UBIAD1: variants seen among roughly 807,000 people sequenced by gnomAD.
UBIAD1 encodes the protein ubiA prenyltransferase domain-containing protein 1.
UBIAD1 carries 12 observed loss-of-function variants against 20.1 expected under a neutral mutation model. The observed-to-expected ratio is 0.60, with a 90% CI of 0.38 to 0.97. The LOEUF (loss-of-function observed/expected upper bound fraction) is 0.97. Ranked by LOEUF, UBIAD1 falls within the 50% of genes least tolerant of loss-of-function variation. The probability of loss-of-function intolerance (pLI) is 0.00; values close to 1 mark genes in which losing one functional copy is unlikely to be tolerated. For missense variants in UBIAD1, 333 were observed against 419.5 expected (o/e 0.79, Z 1.80); for synonymous variants, 207 against 189.2 (o/e 1.09, Z -0.77).
chr1:11,284,841 A>G (rs1010021964), intron 1 of UBIAD1, among the ~76,000 whole-genome samples: 62 of 152,088 alleles, frequency 4.1e-4, no homozygotes, highest in African/African-American at 1.4e-3. Context: ...GGGAGGGGTT[A>G]TGAGAGGGGA....
downstream of UBIAD1, among the ~76,000 whole-genome samples, chr1:11,297,016 A>G (rs1156821417): frequency 6.6e-6 from 1 of 152,230 alleles, no homozygotes; most frequent in Non-Finnish European, 1.5e-5. Context: ...TATTAAAACT[A>G]AACATAGAAA....
At chr1:11,277,566 G>T (rs987580896) in intron 1 of UBIAD1, among the ~76,000 whole-genome samples, 1 of 151,716 alleles carries the variant, frequency 6.6e-6, no homozygotes, top group Non-Finnish European at 1.5e-5. Context: ...GAGCCACTAT[G>T]CCTGGCCAAT....
rs1037899270 is a variant in UBIAD1 at position 11,286,594 on chromosome 1, A to G, written c.*463A>G. 2 of 228,430 alleles carry G rather than the reference A, an allele frequency of 8.8e-6. No individual in the cohort carries two copies. Among genetic ancestry groups the G allele is most frequent in the Non-Finnish European group, 1.7e-5 (2 of 114,874 alleles). 14.2% of individuals were successfully genotyped at this position (228,430 alleles called of 1,614,324 possible). On this transcript the variant is annotated 3_prime_UTR_variant, in exon 2 of 2. Coordinates refer to ENST00000376810, the MANE Select transcript of UBIAD1 (RefSeq NM_013319.3). ...ATGATTGGTGCCAGGCCTCACTAAC[A>G]CAGGGGCTACCTGTCTCTTATTCTC...
At chr1:11,289,099 A>G (rs936466209), downstream of UBIAD1, among the ~76,000 whole-genome samples, 1 of 152,214 alleles carries the variant, frequency 6.6e-6, no homozygotes, top group African/African-American at 2.4e-5. Flanking sequence ...GGCATTGGAC[A>G]ATATATCCTA....
rs190166225 is a variant in UBIAD1 at position 11,283,760 on chromosome 1, G to C, written c.530-1884G>C. Among the ~76,000 whole-genome samples the C allele has an allele frequency of 1.5e-3, 236 of 152,278 alleles. 2 individuals are homozygous for C. The highest frequency in any genetic ancestry group is 5.3e-3 in the African/African-American group (219 of 41,564). ...TATTTCATTTTGATTCCTGTGGCTAGTGGGAACTTCTGTCATTTTAGACTG... is the reference window on the plus strand; with the variant it reads ...TATTTCATTTTGATTCCTGTGGCTACTGGGAACTTCTGTCATTTTAGACTG... On this transcript the variant is annotated intron_variant, in intron 1 of 1. Transcript: ENST00000376810.
At chr1:11,275,008 A>G (rs1173554128) in intron 1 of UBIAD1, among the ~76,000 whole-genome samples, 7 of 152,200 alleles carry the variant, frequency 4.6e-5, no homozygotes, top group Admixed American at 6.5e-5. Flanking sequence ...GTTCAAAATG[A>G]TATAGATAAT....
Position 11,286,225 on chromosome 1 carries a change from G to T in UBIAD1, c.*94G>T. The T allele has an allele frequency of 1.3e-6, 2 of 1,555,498 alleles. No homozygotes were observed. The highest frequency in any genetic ancestry group is 1.8e-6 in the Non-Finnish European group (2 of 1,134,252). On this transcript the variant is annotated 3_prime_UTR_variant, in exon 2 of 2. Transcript: ENST00000376810. ...GAAGGAATGTGATTTGGCAGTCAGG[G>T]TACTAAGCATGGGTGGGAACTCCTG... is the stretch of plus-strand genomic sequence containing the variant.
downstream of UBIAD1, among the ~76,000 whole-genome samples, chr1:11,289,563 A>G (rs368383863): frequency 1.9e-4 from 29 of 151,816 alleles, no homozygotes; most frequent in African/African-American, 6.8e-4. Context: ...GTCTTTATTT[A>G]TTTATTTATT....
At chr1:11,282,337 A>C (rs1652266725) in intron 1 of UBIAD1, among the ~76,000 whole-genome samples, 1 of 152,122 alleles carries the variant, frequency 6.6e-6, no homozygotes. Context: ...GGGTTGGGAG[A>C]GGAGGAATGC....
At chr1:11,292,148 G>A (rs2101027810), downstream of UBIAD1, 1 of 152,358 alleles carries the variant, frequency 6.6e-6, no homozygotes. Flanking sequence ...GGATTAACAG[G>A]TGTGTGCCAC....
downstream of UBIAD1, among the ~76,000 whole-genome samples, chr1:11,293,195 A>T (rs185091532): frequency 6.6e-6 from 1 of 152,044 alleles, no homozygotes; most frequent in Non-Finnish European, 1.5e-5. Context: ...GGGCGCTTCT[A>T]TGATGTTAAG....
intron 1 of UBIAD1, among the ~76,000 whole-genome samples, chr1:11,283,181 G>A (rs911647501): frequency 6.6e-6 from 1 of 152,146 alleles, no homozygotes; most frequent in African/African-American, 2.4e-5. Context: ...GCTTTTTGCC[G>A]AGTGATCTAA....
intron 1 of UBIAD1, chr1:11,294,861 C>T (rs768798905): frequency 8.1e-5 from 58 of 717,500 alleles, no homozygotes; most frequent in South Asian, 4.7e-4. Flanking sequence ...TCATTCGTCT[C>T]GTCTCTTCCA....
At chr1:11,292,413 ATTCC>A (rs754216581), downstream of UBIAD1, among the ~76,000 whole-genome samples, 25 of 152,200 alleles carry the variant, frequency 1.6e-4, no homozygotes, top group Non-Finnish European at 3.7e-4. Flanking sequence ...CGAAAAGATG[ATTCC>A]TCGTCAGGAA....
intron 1 of UBIAD1, among the ~76,000 whole-genome samples, chr1:11,275,051 C>G (rs763310147): frequency 1.6e-4 from 25 of 152,102 alleles, no homozygotes; most frequent in Non-Finnish European, 2.1e-4. Flanking sequence ...TGACTTCTTG[C>G]AAGAGGCTGA....
At position 11,286,307 on chromosome 1, in the gene UBIAD1, G is replaced by GT. The variant is rs1269945733; in HGVS notation, c.*182dup. The GT allele has an allele frequency of 2.4e-6, 2 of 847,536 alleles. No homozygotes were observed. The highest frequency in any genetic ancestry group is 3.6e-6 in the Non-Finnish European group (2 of 556,340). The allele number at this position is 847,536 out of a possible 1,614,324, so 52.5% of individuals were successfully genotyped here. ...ATAATATGTTGTTTTTCTGTTTTTTGTTTTTTCCATTTTATGGGGAATTTA... is the reference window on the plus strand; with the variant it reads ...ATAATATGTTGTTTTTCTGTTTTTTGTTTTTTTCCATTTTATGGGGAATTTA... On this transcript the variant is annotated 3_prime_UTR_variant, in exon 2 of 2. Transcript: ENST00000376810.
intron 1 of UBIAD1, chr1:11,278,906 C>G (rs1279279580): frequency 3.7e-6 from 1 of 273,300 alleles, no homozygotes; most frequent in East Asian, 6.2e-5. Context: ...GCGCTGTGGC[C>G]CACACGGGAG....
intron 1 of UBIAD1, among the ~76,000 whole-genome samples, chr1:11,277,864 A>G (rs1172022870): frequency 1.3e-5 from 2 of 151,612 alleles, no homozygotes; most frequent in Non-Finnish European, 2.9e-5. Flanking sequence ...GGCTGGTCTC[A>G]AACTCCTGAC....
At chr1:11,290,233 A>G (rs1463178958), downstream of UBIAD1, among the ~76,000 whole-genome samples, 1 of 152,068 alleles carries the variant, frequency 6.6e-6, no homozygotes, top group Non-Finnish European at 1.5e-5. Flanking sequence ...AATGCCAGCT[A>G]CCTCTTGAGC....
Sources: allele counts gnomAD v4.1 joint callset (sites outside exome capture counted in the v4.1 genomes callset), GRCh38; gene constraint gnomAD v4.1.1; transcripts MANE v1.5; gene names NCBI Gene and HGNC (gene_info 2026-07-23, HGNC 2026-07-21).